The following USP42 variants were observed in gnomAD, a reference collection of about 807,000 sequenced individuals.
The protein encoded by USP42 is ubiquitin carboxyl-terminal hydrolase 42.
In USP42, 23 loss-of-function variants were observed where a neutral mutation model predicts 113.0. The ratio of observed to expected loss-of-function variants is 0.20; its 90% CI spans 0.15 to 0.29. The LOEUF (loss-of-function observed/expected upper bound fraction) is 0.29, where lower values mean the gene tolerates loss of function less well. Ranked by LOEUF, USP42 falls within the 10% of genes least tolerant of loss-of-function variation. USP42 has a pLI of 1.00. For missense variants in USP42, 2,174 were observed against 1,779.8 expected, an observed-to-expected ratio of 1.22 and a Z score of -3.99; for synonymous variants, 933 against 699.0, an observed-to-expected ratio of 1.33 and a Z score of -5.28.
intron 2 of USP42, among the ~76,000 whole-genome samples, chr7:6,114,945 C>T (rs1382487566): frequency 6.6e-6 from 1 of 151,916 alleles, no homozygotes; most frequent in African/African-American, 2.4e-5. Context: ...CTGCCTCAGC[C>T]TCCCAAAGTG....
rs952226141 is a variant in USP42, at chr7:6,146,130, A to T, written c.1132-18A>T. On this transcript the variant is annotated intron_variant, in intron 10 of 17. Coordinates refer to ENST00000306177, the MANE Select transcript of USP42 (RefSeq NM_032172.3). The stretch of plus-strand genomic sequence containing the variant: ...TAATTAAATCTAATCTCTCTCTTTT[A>T]TTGGCTCTCATTTATAGGCTAGCAA... 1 of 1,477,528 alleles carries T rather than the reference A, an allele frequency of 6.8e-7. No individual in the cohort carries two copies. Among genetic ancestry groups the T allele is most frequent in the Non-Finnish European group, 9.3e-7 (1 of 1,078,718 alleles). 91.5% of individuals were successfully genotyped at this position (1,477,528 alleles called of 1,614,324 possible). A position where few individuals can be genotyped will look rare whatever the true frequency, so the allele number is the denominator to read the frequency against.
At chr7:6,125,854 T>C (rs1780513915) in intron 3 of USP42, among the ~76,000 whole-genome samples, 1 of 152,066 alleles carries the variant, frequency 6.6e-6, no homozygotes, top group Admixed American at 6.6e-5. Flanking sequence ...TTTATTTTGC[T>C]TTTTTTAAAA....
At chr7:6,146,422 G>A (rs1389352432) in intron 11 of USP42, among the ~76,000 whole-genome samples, 174 bp downstream of exon 11, 3 of 151,932 alleles carry the variant, frequency 2.0e-5, no homozygotes, top group East Asian at 3.9e-4. Context: ...CACTTTGGGC[G>A]GCCAAGATGG....
chr7:6,086,417 G>C, the USP42 span, among the ~76,000 whole-genome samples: 2 of 150,696 alleles, frequency 1.3e-5, no homozygotes, highest in African/African-American at 5.0e-5. Flanking sequence ...GTGTTAGCCA[G>C]GATGGTCTCG....
At position 6,153,925 on chromosome 7, in the gene USP42, T is replaced by C. The variant is rs1302483985; in HGVS notation, c.2371T>C (p.Trp791Arg). ...PGTPATKEGA[W>R]EAMAVAPEEP... ...CACCCCCGCTACCAAAGAAGGCGCC[T>C]GGGAGGCCATGGCCGTCGCCCCCGA... is the stretch of plus-strand genomic sequence containing the variant. The change falls in exon 15 of 18, where the codon TGG becomes CGG. Residue 791 changes from tryptophan to arginine, a missense_variant. Physicochemically the swap from Trp to Arg is moderately radical, Grantham distance 101 (BLOSUM62 -3). Coordinates refer to ENST00000306177, the MANE Select transcript of USP42 (RefSeq NM_032172.3). 2 of 1,600,666 alleles carry C rather than the reference T, an allele frequency of 1.2e-6. No homozygotes were observed. The highest frequency in any genetic ancestry group is 3.4e-5 in the Admixed American group (2 of 58,590).
chr7:6,093,289 C>CT, the USP42 span, among the ~76,000 whole-genome samples: 22 of 143,420 alleles, frequency 1.5e-4, no homozygotes, highest in South Asian at 6.7e-4. Context: ...TCTTCTCTCT[C>CT]TTTTTTTTTG....
At chr7:6,117,408 T>G (rs1779969699) in intron 3 of USP42, among the ~76,000 whole-genome samples, 1 of 152,248 alleles carries the variant, frequency 6.6e-6, no homozygotes, top group Non-Finnish European at 1.5e-5. Context: ...AGGATTCCAT[T>G]TTATGGCTAG....
chr7:6,141,263 C>T (rs183827782), intron 7 of USP42, among the ~76,000 whole-genome samples: 79 of 137,652 alleles, frequency 5.7e-4, no homozygotes, highest in Admixed American at 1.0e-3. Flanking sequence ...CATGCAGTGG[C>T]GTGATCTCGG....
Position 6,146,166 on chromosome 7 carries a change from T to C in USP42, c.1150T>C (p.Tyr384His). The change falls in exon 11 of 18, where the codon TAT becomes CAT. Residue 384 changes from tyrosine (Y) to histidine (H), a missense_variant. Transcript: ENST00000306177. Reference protein sequence around the residue: ...CYIKASNGLWYQMNDSIVSTS... With the variant: ...CYIKASNGLWHQMNDSIVSTS... ...TTTATAGGCTAGCAATGGCCTCTGGTATCAAATGAATGACTCCATTGTATC... is the reference window on the plus strand; with the variant it reads ...TTTATAGGCTAGCAATGGCCTCTGGCATCAAATGAATGACTCCATTGTATC... The C allele has an allele frequency of 6.3e-7, 1 of 1,597,264 alleles. No homozygotes were observed. The highest frequency in any genetic ancestry group is 8.5e-7 in the Non-Finnish European group (1 of 1,171,886).
Position 6,156,817 on chromosome 7 carries a change from AAAGAAG to A in USP42, c.3711_3716del (p.Lys1240_Lys1241del). 1 of 1,607,746 alleles carries A rather than the reference AAAGAAG, an allele frequency of 6.2e-7. No individual in the cohort carries two copies. Among genetic ancestry groups the A allele is most frequent in the Non-Finnish European group, 8.5e-7 (1 of 1,178,152 alleles). ...ACGCTGACCTCCACAGACACAAAAA[AAAGAAG>A]AAGAAAAAGAAGAGACATTCAAGAA... On this transcript the variant is annotated inframe_deletion, in exon 16 of 18. Coordinates refer to ENST00000306177, the MANE Select transcript of USP42 (RefSeq NM_032172.3).
At chr7:6,147,021 G>A (rs180739822) in intron 11 of USP42, among the ~76,000 whole-genome samples, 207 of 152,330 alleles carry the variant, frequency 1.4e-3, no homozygotes, top group African/African-American at 4.3e-3. Flanking sequence ...TCACTCACTC[G>A]CTCCATTTTT....
chr7:6,104,623 T>G (rs936789638), upstream of USP42, among the ~76,000 whole-genome samples: 2 of 152,090 alleles, frequency 1.3e-5, no homozygotes, highest in African/African-American at 4.8e-5. Context: ...GCCGTCTGGC[T>G]CTGCCCAGGG....
At chr7:6,153,693 T>G (rs562096128) in intron 14 of USP42, 63 bp from the exon 15 acceptor site, 2 of 1,405,184 alleles carry the variant, frequency 1.4e-6, no homozygotes, top group East Asian at 5.5e-5. Context: ...GTCCTTGTAA[T>G]GCAATGACAT....
chr7:6,125,026 C>CA (rs1188621535), intron 3 of USP42, among the ~76,000 whole-genome samples: 6 of 151,468 alleles, frequency 4.0e-5, no homozygotes, highest in African/African-American at 1.5e-4. Flanking sequence ...ACTGAAAATA[C>CA]AAAAATTAGC....
At position 6,158,401 on chromosome 7, in the gene USP42, C is replaced by T. The variant is rs1213508547; in HGVS notation, c.3944-1049C>T. Among the ~76,000 whole-genome samples the T allele has an allele frequency of 2.0e-5, 3 of 152,320 alleles. No homozygotes were observed. Among genetic ancestry groups the T allele is most frequent in the African/African-American group, 4.8e-5 (2 of 41,580 alleles). On this transcript the variant is annotated intron_variant, in intron 16 of 17. Coordinates refer to ENST00000306177, the MANE Select transcript of USP42 (RefSeq NM_032172.3). The surrounding 1 kb of genome is among the most constrained non-coding windows in gnomAD (Gnocchi z 4.2). ...ATCCCCTCCTCCCAGGGGCTTTTGA[C>T]GAATCTTCAGGGCTGCCCTGAGGCC...
intron 7 of USP42, among the ~76,000 whole-genome samples, chr7:6,141,201 CT>C (rs903124477): frequency 7.3e-4 from 90 of 124,006 alleles, no homozygotes; most frequent in Middle Eastern, 5.2e-3. Context: ...TTTTTCTTTT[CT>C]TTTTTTTTTT....
At chr7:6,122,538 C>G (rs755821768) in intron 3 of USP42, among the ~76,000 whole-genome samples, 1 of 151,434 alleles carries the variant, frequency 6.6e-6, no homozygotes, top group Non-Finnish European at 1.5e-5. Flanking sequence ...AGTGTGATCT[C>G]GGCTCAACTG....
At chr7:6,143,112 A>C in intron 8 of USP42, 98 bp downstream of exon 8, 1 of 1,200,918 alleles carries the variant, frequency 8.3e-7, no homozygotes, top group Non-Finnish European at 1.2e-6. Flanking sequence ...AGGTTGCTTG[A>C]GTTTCTGATA....
chr7:6,084,405 C>G, the USP42 span: 1 of 151,302 alleles, frequency 6.6e-6, no homozygotes, highest in Non-Finnish European at 1.5e-5. Flanking sequence ...CTTGCTAACG[C>G]TGATGTTTTC....
Sources: allele counts gnomAD v4.1 joint callset (sites outside exome capture counted in the v4.1 genomes callset), GRCh38; gene constraint gnomAD v4.1.1; non-coding constraint Gnocchi (gnomAD v3.1); transcripts MANE v1.5; gene names NCBI Gene and HGNC (gene_info 2026-07-23, HGNC 2026-07-21).